ABCA2: variants seen among roughly 807,000 people sequenced by gnomAD.
ABCA2 encodes ATP-binding cassette sub-family A member 2.
In ABCA2, 84 loss-of-function variants were observed where a neutral mutation model predicts 262.8. The ratio of observed to expected loss-of-function variants is 0.32; its 90% CI spans 0.27 to 0.38. The LOEUF (loss-of-function observed/expected upper bound fraction) is 0.38, where lower values mean the gene tolerates loss of function less well. ABCA2 is among the 10% of genes least tolerant of loss of function. ABCA2 has a pLI of 1.00. For missense variants in ABCA2, 2,662 were observed against 3,405.9 expected (o/e 0.78, Z 5.44); for synonymous variants, 1,696 against 1,502.9 (o/e 1.13, Z -2.97).
Position 137,017,911 on chromosome 9 carries a change from G to A in ABCA2, c.2097-10C>T, listed in dbSNP as rs533290415. On this transcript the variant is annotated splice_polypyrimidine_tract_variant and intron_variant, in intron 15 of 48. Transcript: ENST00000341511. ...AATGACAAACAGGAAGCTGCGGGGAGGCCGCGCTCAGGCGCCACTCAGCCC... is the reference window on the plus strand; with the variant it reads ...AATGACAAACAGGAAGCTGCGGGGAAGCCGCGCTCAGGCGCCACTCAGCCC... The A allele has an allele frequency of 8.7e-6, 14 of 1,612,406 alleles. 1 individual carries two copies. In the South Asian group the frequency reaches 1.2e-4, roughly 14 times the overall value.
intron 48 of ABCA2, 34 bp downstream of exon 48, chr9:137,008,382 G>A (rs1037055335): frequency 3.2e-6 from 5 of 1,547,848 alleles, no homozygotes; most frequent in Middle Eastern, 1.7e-4. Flanking sequence ...CCAGTGGGCA[G>A]AGCCCTGGAC....
Position 137,011,385 on chromosome 9 carries a change from C to G in ABCA2, c.5799+22G>C, listed in dbSNP as rs1220266662. ...CAGCCTCCGCAGGGTCCGCCACCCC[C>G]ACCATGTCGTCACCGCCCCACCTTG... On this transcript the variant is annotated intron_variant, in intron 37 of 48. Transcript: ENST00000341511. The surrounding 1 kb of genome is among the most constrained non-coding windows in gnomAD (Gnocchi z 8.8). 3 of 1,608,662 alleles carry G rather than the reference C, an allele frequency of 1.9e-6. No individual in the cohort carries two copies. The highest frequency in any genetic ancestry group is 2.5e-6 in the Non-Finnish European group (3 of 1,177,850).
Position 137,012,466 on chromosome 9 carries a change from G to A in ABCA2, c.5187+19C>T, listed in dbSNP as rs1588510676. ...GCGGCGCTACACACAGCGGGGCCCA[G>A]GCCCGCAGCCTCGCTCACCTGGGCA... On this transcript the variant is annotated intron_variant, in intron 32 of 48. Transcript: ENST00000341511. 1 of 1,610,732 alleles carries A rather than the reference G, an allele frequency of 6.2e-7. No individual in the cohort carries two copies. The highest frequency in any genetic ancestry group is 8.5e-7 in the Non-Finnish European group (1 of 1,179,348).
chr9:137,012,817 T>C lies in ABCA2; in HGVS notation c.4976A>G (p.His1659Arg). 6.2e-7 allele frequency: 1 copy of C among 1,609,394 alleles called. No homozygotes were observed. Among genetic ancestry groups the C allele is most frequent in the Non-Finnish European group, 8.5e-7 (1 of 1,178,838 alleles). The change falls in exon 31 of 49, where the codon CAC becomes CGC. Residue 1659 changes from histidine to arginine, a missense_variant. This residue lies in a region of ABCA2 where 602 missense variants were observed against 897.4 expected (regional missense o/e 0.67). Transcript: ENST00000341511. ...GFSCPSSVGG[H>R]PPQMRVVTGD... is the part of the protein sequence containing the mutation. ...TGTGACCACCCGCATCTGGGGCGGG[T>C]GCCCGCCCACACTGCTGGGGCAGGA...
chr9:137,012,066 A>T, intron 34 of ABCA2, 36 bp downstream of exon 34: 1 of 1,612,276 alleles, frequency 6.2e-7, no homozygotes, highest in Non-Finnish European at 8.5e-7. Context: ...TGCAGTGCCC[A>T]CCTGCCCCAC....
Position 137,019,010 on chromosome 9 carries a change from G to C in ABCA2, c.1615C>G (p.Pro539Ala), listed in dbSNP as rs760588413. 6.2e-7 allele frequency: 1 copy of C among 1,612,796 alleles called. No individual in the cohort carries two copies. Among genetic ancestry groups the C allele is most frequent in the Non-Finnish European group, 8.5e-7 (1 of 1,179,848 alleles). Residue 539 changes from proline to alanine, a missense_variant, in exon 12 of 49, where the codon CCG (proline) becomes GCG (alanine). Around this residue, in one of 12 missense-constraint regions of ABCA2, gnomAD observed 187 missense variants for 205.9 expected, o/e 0.91. Coordinates refer to ENST00000341511, the MANE Select transcript of ABCA2 (RefSeq NM_001606.5). This position sits in a 1 kb window ranked among gnomAD's most constrained non-coding sequence, Gnocchi z 4.4. ...GAGAAGTTGTCCTGTCTCAGGGCCGGCGGCAGCTCATCCAGTGACAGGTTC... is the reference window on the plus strand; with the variant it reads ...GAGAAGTTGTCCTGTCTCAGGGCCGCCGGCAGCTCATCCAGTGACAGGTTC... ...ALNLSLDELPPALRQDNFSLP... is the reference protein window; with the variant it reads ...ALNLSLDELPAALRQDNFSLP...
At position 137,016,640 on chromosome 9, in the gene ABCA2, C is replaced by T. The variant is rs915443690; in HGVS notation, c.2857G>A (p.Ala953Thr). 14 of 1,609,526 alleles carry T rather than the reference C, an allele frequency of 8.7e-6. No homozygotes were observed. Among genetic ancestry groups the T allele is most frequent in the Non-Finnish European group, 1.1e-5 (13 of 1,178,524 alleles). The change falls in exon 20 of 49, where the codon GCA becomes ACA. Residue 953 changes from alanine to threonine, a missense_variant. Coordinates refer to ENST00000341511, the MANE Select transcript of ABCA2 (RefSeq NM_001606.5). ...TEAWEWSWPW[A>T]RTPRLSVMEE... ...ATGACACTGAGGCGGGGGGTGCGTG[C>T]CCACGGCCAGCTCCACTCCCAGGCT...
intron 28 of ABCA2, 126 bp from the exon 29 acceptor site, chr9:137,013,689 T>C: frequency 7.5e-7 from 1 of 1,336,024 alleles, no homozygotes; most frequent in East Asian, 2.5e-5. Flanking sequence ...GAGACAGGAC[T>C]CCCGGATGAA....
chr9:137,022,736 C>T lies in ABCA2; in HGVS notation c.405G>A (p.Pro135=), dbSNP rs758184650. 10 of 1,605,750 alleles carry T rather than the reference C, an allele frequency of 6.2e-6. No individual in the cohort carries two copies. Among genetic ancestry groups the T allele is most frequent in the East Asian group, 4.5e-5 (2 of 44,682 alleles). The change falls in exon 5 of 49, where the codon CCG becomes CCA. Residue 135 remains proline, a synonymous_variant. Coordinates refer to ENST00000341511, the MANE Select transcript of ABCA2 (RefSeq NM_001606.5). ...TGTCCAGGTGGCTCCCCGAGGTGCCCGGGCCCGCACTGAGGGCCTCCAGAT... is the reference window on the plus strand; with the variant it reads ...TGTCCAGGTGGCTCCCCGAGGTGCCTGGGCCCGCACTGAGGGCCTCCAGAT... ...RQHLEALSAG[P]GTSGSHLDRS...
At position 137,007,614 on chromosome 9, in the gene ABCA2, GC is replaced by G; in HGVS notation, c.*314del. 8.3e-6 allele frequency: 4 copies of G among 479,392 alleles called. No homozygotes were observed. The South Asian group carries it at 9.1e-5, about 11-fold the overall frequency. 29.7% of individuals were successfully genotyped at this position (479,392 alleles called of 1,614,324 possible). Reference sequence around the variant, plus strand: ...AGAAAGGCCAGCAGTGCCTGGTCCAGCCGGCGTCGCCTTGGGCGGTGAGCAG... The same window carrying G: ...AGAAAGGCCAGCAGTGCCTGGTCCAGCGGCGTCGCCTTGGGCGGTGAGCAG... On this transcript the variant is annotated 3_prime_UTR_variant, in exon 49 of 49. Transcript: ENST00000341511.
Position 137,017,361 on chromosome 9 carries a change from G to C in ABCA2, c.2403-15C>G. On this transcript the variant is annotated splice_polypyrimidine_tract_variant and intron_variant, in intron 17 of 48. Transcript: ENST00000341511. ...ACACCAGGAAGCTGGGTGGGCAGGGGCCACGCGCACCGTCATCCACCCGCA... is the reference window on the plus strand; with the variant it reads ...ACACCAGGAAGCTGGGTGGGCAGGGCCCACGCGCACCGTCATCCACCCGCA... The C allele has an allele frequency of 6.2e-7, 1 of 1,611,986 alleles. No homozygotes were observed. The highest frequency in any genetic ancestry group is 8.5e-7 in the Non-Finnish European group (1 of 1,179,556).
rs1400635416 is a variant in ABCA2, at chr9:137,012,868, G to A, written c.4925C>T (p.Thr1642Ile). The change falls in exon 31 of 49, where the codon ACC becomes ATC. Residue 1642 changes from threonine (T) to isoleucine (I), a missense_variant. This residue lies in a region of ABCA2 where 192 missense variants were observed against 207.2 expected (regional missense o/e 0.93). Coordinates refer to ENST00000341511, the MANE Select transcript of ABCA2 (RefSeq NM_001606.5). ...GAAGCCGGTGCCCTGCGCAGAGCAG[G>A]TGCAGCGGACGGGCTCCCGTACCAG... ...PRLVREPVRC[T>I]CSAQGTGFSC... 1.9e-6 allele frequency: 3 copies of A among 1,593,686 alleles called. No homozygotes were observed. Among genetic ancestry groups the A allele is most frequent in the African/African-American group, 1.3e-5 (1 of 74,420 alleles).
chr9:137,016,895 C>G (rs1831277388), intron 19 of ABCA2, 25 bp downstream of exon 19: 1 of 1,607,756 alleles, frequency 6.2e-7, no homozygotes, highest in Non-Finnish European at 8.5e-7. Context: ...TGCCTCTCCC[C>G]TGCCCTCCAA....
In ABCA2 at chr9:137,015,422, C is replaced by T. The variant is rs551366222; in HGVS notation, c.3689G>A (p.Gly1230Asp). 15 of 1,560,356 alleles carry T rather than the reference C, an allele frequency of 9.6e-6. No individual in the cohort carries two copies. In the East Asian group the frequency reaches 2.6e-4, roughly 27 times the overall value. ...TLVKRPAEPG[G>D]PQEPGLASSP... ...GCAGCTTCAACACAGACCTTGGGGGCCCCCCGGCTCGGCGGGCCGCTTGAC... is the reference window on the plus strand; with the variant it reads ...GCAGCTTCAACACAGACCTTGGGGGTCCCCCGGCTCGGCGGGCCGCTTGAC... Residue 1230 changes from glycine (G) to aspartate (D), a missense_variant, in exon 24 of 49, where the codon GGC (glycine) becomes GAC (aspartate). Coordinates refer to ENST00000341511, the MANE Select transcript of ABCA2 (RefSeq NM_001606.5).
In ABCA2 at chr9:137,021,870, C is replaced by A; in HGVS notation, c.678+21G>T. On this transcript the variant is annotated intron_variant, in intron 7 of 48. Coordinates refer to ENST00000341511, the MANE Select transcript of ABCA2 (RefSeq NM_001606.5). The surrounding 1 kb of genome is among the most constrained non-coding windows in gnomAD (Gnocchi z 6.0). ...GAGGCAGGCAGCACTCCAGGCCCAT[C>A]CCACACATGGATGCCCTCACCTCCA... 6.4e-7 allele frequency: 1 copy of A among 1,568,056 alleles called. No individual in the cohort carries two copies. The highest frequency in any genetic ancestry group is 8.7e-7 in the Non-Finnish European group (1 of 1,153,348).
intron 10 of ABCA2, 100 bp downstream of exon 10, chr9:137,020,236 C>A: frequency 6.6e-7 from 1 of 1,520,324 alleles, no homozygotes. Flanking sequence ...GTACCCCTCC[C>A]GTGTCAATTC....
intron 39 of ABCA2, 60 bp downstream of exon 39, chr9:137,010,913 C>CCACCCCCGCCCCTACCCTGCCA: frequency 1.9e-6 from 1 of 517,734 alleles, no homozygotes; most frequent in Non-Finnish European, 3.4e-6. Context: ...CTACCCTGCC[C>CCACCCCCGCCCCTACCCTGCCA]CACCCCCGAA....
rs772884975 is a variant in ABCA2 at position 137,013,453 on chromosome 9, G to A, written c.4550+8C>T. The A allele has an allele frequency of 5.0e-6, 8 of 1,600,180 alleles. No homozygotes were observed. In the African/African-American group the frequency reaches 5.3e-5, roughly 11 times the overall value. ...ACCCACCAAGGCTGCCCCCGCTGGA[G>A]GCCTCACCGGTACTCGCGGCGCTCC... On this transcript the variant is annotated splice_region_variant and intron_variant, in intron 29 of 48. Transcript: ENST00000341511.
chr9:137,015,644 C>T (rs368921639), intron 23 of ABCA2, 31 bp downstream of exon 23: 20 of 1,610,202 alleles, frequency 1.2e-5, no homozygotes, highest in Middle Eastern at 1.7e-4. Context: ...AGGCGCCGCC[C>T]GCACCCCTGC....
Sources: gnomAD v4.1 joint callset for allele counts on GRCh38, gnomAD v4.1.1 for gene constraint, gnomAD v4.1.1 regional missense constraint, Gnocchi (gnomAD v3.1) non-coding constraint, MANE v1.5 for transcripts, NCBI Gene and HGNC (gene_info 2026-07-23, HGNC 2026-07-21) for gene names.